The following HLCS variants were observed in gnomAD, a reference collection of about 807,000 sequenced individuals.
HLCS encodes holocarboxylase synthetase.
In HLCS, 53 loss-of-function variants were observed where a neutral mutation model predicts 75.0. The observed-to-expected ratio is 0.71, with a 90% CI of 0.57 to 0.89. The LOEUF (loss-of-function observed/expected upper bound fraction) is 0.89, where lower values mean the gene tolerates loss of function less well. Among genes scored for constraint, HLCS ranks in the 40% least tolerant of loss-of-function variants. HLCS has a pLI of 0.00. For synonymous variants in HLCS, 431 were observed against 428.6 expected (o/e 1.01, Z -0.07); for missense variants, 966 against 1,074.0 (o/e 0.90, Z 1.41).
At chr21:36,925,701 G>A (rs539674001) in intron 5 of HLCS, among the ~76,000 whole-genome samples, 63 of 152,228 alleles carry the variant, frequency 4.1e-4, no homozygotes, top group African/African-American at 1.3e-3. Context: ...GTCCTAACCC[G>A]CCAGCTGCCC....
chr21:36,880,350 A>G (rs867319410), intron 6 of HLCS, among the ~76,000 whole-genome samples: 4 of 152,214 alleles, frequency 2.6e-5, no homozygotes, highest in Admixed American at 6.5e-5. Context: ...TCTGAAACGA[A>G]GCTAGAGAAG....
chr21:36,896,065 G>A (rs918022161), intron 6 of HLCS, among the ~76,000 whole-genome samples: 1 of 152,150 alleles, frequency 6.6e-6, no homozygotes. Context: ...AAAAGGTATG[G>A]GGGTTGGGAA....
At chr21:36,809,200 C>T (rs1168877748) in intron 6 of HLCS, among the ~76,000 whole-genome samples, 4 of 150,510 alleles carry the variant, frequency 2.7e-5, no homozygotes, top group East Asian at 2.0e-4. Flanking sequence ...GGCAACAGAG[C>T]GAGACCTCAA....
intron 5 of HLCS, among the ~76,000 whole-genome samples, chr21:36,927,333 T>C (rs1479095392): frequency 6.6e-6 from 1 of 152,254 alleles, no homozygotes; most frequent in Admixed American, 6.5e-5. Context: ...TGGGTGTCGA[T>C]GAAGGTCTCC....
intron 5 of HLCS, among the ~76,000 whole-genome samples, chr21:36,919,645 A>G (rs939797733): frequency 2.0e-5 from 3 of 152,264 alleles, no homozygotes; most frequent in Admixed American, 6.5e-5. Context: ...ACAAGTTAGC[A>G]CACAAATTTT....
chr21:36,960,045 T>C (rs558853699), intron 2 of HLCS, among the ~76,000 whole-genome samples: 34 of 151,900 alleles, frequency 2.2e-4, no homozygotes, highest in Middle Eastern at 3.4e-3. Flanking sequence ...GGTGCCACCA[T>C]GTTCCCCTTG....
chr21:36,883,697 T>A lies in HLCS; in HGVS notation c.1892+13163A>T, dbSNP rs528895602. On this transcript the variant is annotated intron_variant, in intron 6 of 10. Transcript: ENST00000674895. ...TGGGGAAAGCACCTGTCTTCCTTGG[T>A]AGCTGAAGAGGAGATTAAACCAACT... 3.9e-5 allele frequency among the ~76,000 whole-genome samples: 6 copies of A among 152,308 alleles called. No individual in the cohort carries two copies. The East Asian group carries it at 9.6e-4, about 24-fold the overall frequency.
At chr21:36,958,071 C>CAATA (rs926024562) in intron 2 of HLCS, among the ~76,000 whole-genome samples, 3 of 76,734 alleles carry the variant, frequency 3.9e-5, no homozygotes, top group African/African-American at 9.4e-5. Context: ...ACTAAAAATA[C>CAATA]AATAAATAAA....
chr21:36,939,670 T>C (rs993711402), intron 2 of HLCS, among the ~76,000 whole-genome samples: 1 of 152,158 alleles, frequency 6.6e-6, no homozygotes, highest in Non-Finnish European at 1.5e-5. Flanking sequence ...CGGCTTAGCC[T>C]TCCAGTTCTT....
chr21:36,929,133 A>T (rs1389928929), intron 5 of HLCS, among the ~76,000 whole-genome samples: 1 of 152,108 alleles, frequency 6.6e-6, no homozygotes, highest in Admixed American at 6.5e-5. Context: ...GGGCAGGGCC[A>T]CTCTTCCTAT....
At chr21:36,781,467 T>C (rs762432626) in intron 6 of HLCS, among the ~76,000 whole-genome samples, 5 of 152,192 alleles carry the variant, frequency 3.3e-5, no homozygotes, top group Non-Finnish European at 7.3e-5. Flanking sequence ...TCTTATGCAC[T>C]ATCTTACGTA....
chr21:36,934,446 A>G (rs988248627), intron 4 of HLCS, among the ~76,000 whole-genome samples: 1 of 152,234 alleles, frequency 6.6e-6, no homozygotes, highest in African/African-American at 2.4e-5. Flanking sequence ...TAAGCTAAAC[A>G]AGAAAACAAA....
chr21:36,981,437 G>A (rs1053914994), intron 1 of HLCS, among the ~76,000 whole-genome samples: 1 of 111,986 alleles, frequency 8.9e-6, no homozygotes, highest in African/African-American at 3.6e-5. Flanking sequence ...GTCTCACTCT[G>A]TCACCCAGCC....
At chr21:36,964,574 T>C (rs1233445419) in intron 1 of HLCS, among the ~76,000 whole-genome samples, 1 of 152,148 alleles carries the variant, frequency 6.6e-6, no homozygotes, top group East Asian at 1.9e-4. Flanking sequence ...TCTGGAAAAC[T>C]AGGAAATGAC....
At chr21:36,896,658 T>G in intron 6 of HLCS, 3 of 612,906 alleles carry the variant, frequency 4.9e-6, no homozygotes, top group South Asian at 4.0e-5. Flanking sequence ...TCCATTCCCA[T>G]AAAAAACAAA....
chr21:36,916,897 C>G (rs1199674532), intron 5 of HLCS, among the ~76,000 whole-genome samples: 1 of 152,116 alleles, frequency 6.6e-6, no homozygotes, highest in Non-Finnish European at 1.5e-5. Flanking sequence ...GATGTCAAAG[C>G]CTCTCACTCT....
intron 6 of HLCS, among the ~76,000 whole-genome samples, chr21:36,878,206 A>G (rs901115503): frequency 2.0e-5 from 3 of 151,916 alleles, no homozygotes; most frequent in African/African-American, 7.3e-5. Flanking sequence ...AAACATTCTG[A>G]TATTATCCAT....
chr21:36,949,031 G>A (rs1157471790), intron 2 of HLCS, among the ~76,000 whole-genome samples: 5 of 152,242 alleles, frequency 3.3e-5, no homozygotes, highest in South Asian at 4.2e-4. Context: ...ATACACCGCC[G>A]AGGCCTGCTA....
intron 1 of HLCS, among the ~76,000 whole-genome samples, chr21:36,985,331 A>T (rs1157875707): frequency 6.6e-6 from 1 of 152,240 alleles, no homozygotes; most frequent in African/African-American, 2.4e-5. Flanking sequence ...TGACCTTGAC[A>T]TCTTTTAAAA....
Sources: allele counts gnomAD v4.1 joint callset (sites outside exome capture counted in the v4.1 genomes callset), GRCh38; gene constraint gnomAD v4.1.1; transcripts MANE v1.5; gene names NCBI Gene and HGNC (gene_info 2026-07-23, HGNC 2026-07-21).